CELF4: variants seen among roughly 807,000 people sequenced by gnomAD.
The protein encoded by CELF4 is CUG-BP- and ETR-3-like factor 4.
A neutral mutation model predicts 59.9 loss-of-function variants in CELF4; 18 were observed. That is an observed-to-expected ratio of 0.30 (90% CI 0.21 to 0.45). The LOEUF (loss-of-function observed/expected upper bound fraction) is 0.45. Ranked by LOEUF, CELF4 falls within the 20% of genes least tolerant of loss-of-function variation. CELF4 has a pLI of 1.00. For synonymous variants in CELF4, 261 were observed against 267.1 expected (o/e 0.98, Z 0.22); for missense variants, 456 against 689.0 (o/e 0.66, Z 3.79).
chr18:37,364,745 C>G (rs1226249132), intron 2 of CELF4, among the ~76,000 whole-genome samples: 1 of 152,210 alleles, frequency 6.6e-6, no homozygotes, highest in East Asian at 1.9e-4. Flanking sequence ...CTCAAATGCT[C>G]TCATCATAAG....
At chr18:37,533,736 A>G (rs2099971281) in intron 1 of CELF4, among the ~76,000 whole-genome samples, 1 of 152,242 alleles carries the variant, frequency 6.6e-6, no homozygotes, top group Admixed American at 6.5e-5. Context: ...CCACCTGTAT[A>G]TCATCAGAGC....
At position 37,244,424 on chromosome 18, in the gene CELF4, C is replaced by T. The variant is rs1316575605; in HGVS notation, c.*818G>A. The T allele has an allele frequency of 6.6e-6, 1 of 152,502 alleles. No homozygotes were observed. The highest frequency in any genetic ancestry group is 1.5e-5 in the Non-Finnish European group (1 of 68,028). 9.4% of individuals were successfully genotyped at this position (152,502 alleles called of 1,614,324 possible). A position where few individuals can be genotyped will look rare whatever the true frequency, so the allele number is the denominator to read the frequency against. On this transcript the variant is annotated 3_prime_UTR_variant, in exon 13 of 13. Transcript: ENST00000420428. ...CACCAATTTGTTCATCTTTTAACAG[C>T]TCCATCCAGACATAGAATACAGAAA...
intron 1 of CELF4, among the ~76,000 whole-genome samples, chr18:37,542,676 G>A (rs1163961092): frequency 2.0e-5 from 3 of 152,074 alleles, no homozygotes; most frequent in South Asian, 2.1e-4. Flanking sequence ...CTGGGGATAC[G>A]GTAAATGATA....
Position 37,515,018 on chromosome 18 carries a change from A to T in CELF4, c.287-29411T>A, listed in dbSNP as rs146260407. 2.4e-4 allele frequency among the ~76,000 whole-genome samples: 36 copies of T among 152,330 alleles called. 1 individual carries two copies. The East Asian group carries it at 6.6e-3, about 28-fold the overall frequency. On this transcript the variant is annotated intron_variant, in intron 1 of 12. Coordinates refer to ENST00000420428, the MANE Select transcript of CELF4 (RefSeq NM_020180.4). ...TCCATTGCGGGAACATAATTTAGATACTTTTAACAAATCCTCATCCTTTGG... is the reference window on the plus strand; with the variant it reads ...TCCATTGCGGGAACATAATTTAGATTCTTTTAACAAATCCTCATCCTTTGG...
chr18:37,266,519 G>C lies in CELF4; in HGVS notation c.1165+14C>G, dbSNP rs189935724. 3.8e-6 allele frequency: 6 copies of C among 1,585,144 alleles called. No homozygotes were observed. The highest frequency in any genetic ancestry group is 1.2e-5 in the South Asian group (1 of 86,526). On this transcript the variant is annotated intron_variant, in intron 9 of 12. Coordinates refer to ENST00000420428, the MANE Select transcript of CELF4 (RefSeq NM_020180.4). Reference sequence around the variant, plus strand: ...GAGTTGGGGAAGGAGCCGTGGGGACGCGTGGATACTAACGACCTGCATACT... The same window carrying C: ...GAGTTGGGGAAGGAGCCGTGGGGACCCGTGGATACTAACGACCTGCATACT...
intron 2 of CELF4, among the ~76,000 whole-genome samples, chr18:37,471,795 G>C (rs1456459108): frequency 6.6e-6 from 1 of 152,222 alleles, no homozygotes; most frequent in Non-Finnish European, 1.5e-5. Flanking sequence ...CTATGCTCCT[G>C]GTGGGTGCTC....
In CELF4 at chr18:37,504,453, CAAA is replaced by C. The variant is rs765700471; in HGVS notation, c.287-18849_287-18847del. ...TGGGTGACAGAGTGAGACTCCATCT[CAAA>C]AAAAAAAAAAAAAAAAAGGATGGGG... On this transcript the variant is annotated intron_variant, in intron 1 of 12. Coordinates refer to ENST00000420428, the MANE Select transcript of CELF4 (RefSeq NM_020180.4). Among the ~76,000 whole-genome samples, 74 of 71,142 alleles carry C rather than the reference CAAA, an allele frequency of 1.0e-3. 2 individuals carry two copies. Among genetic ancestry groups the C allele is most frequent in the East Asian group, 6.7e-3 (21 of 3,120 alleles). The allele number at this position is 71,142 out of a possible 152,430, so 46.7% of individuals were successfully genotyped here.
At chr18:37,280,466 A>G (rs998946972) in intron 3 of CELF4, among the ~76,000 whole-genome samples, 1 of 152,152 alleles carries the variant, frequency 6.6e-6, no homozygotes, top group South Asian at 2.1e-4. Context: ...TCTTTGGTCT[A>G]TGGGCCCAGA....
chr18:37,295,848 G>C (rs1040842191), intron 3 of CELF4, among the ~76,000 whole-genome samples: 1 of 152,182 alleles, frequency 6.6e-6, no homozygotes, highest in Non-Finnish European at 1.5e-5. Flanking sequence ...ACTGCACTGG[G>C]GGTCAGGGCC....
At chr18:37,318,371 C>T (rs1452243209) in intron 3 of CELF4, among the ~76,000 whole-genome samples, 1 of 152,010 alleles carries the variant, frequency 6.6e-6, no homozygotes, top group Non-Finnish European at 1.5e-5. Flanking sequence ...CGTCATGCCA[C>T]CTCCTCCACC....
At chr18:37,485,654 G>T (rs1180559385) in intron 1 of CELF4, 47 bp from the exon 2 acceptor site, 2 of 1,280,062 alleles carry the variant, frequency 1.6e-6, no homozygotes, top group Non-Finnish European at 1.0e-6. Context: ...GGCGCCCCCG[G>T]GCCCGCCGAC....
chr18:37,374,741 G>T (rs1041022289), intron 2 of CELF4, among the ~76,000 whole-genome samples: 3 of 152,206 alleles, frequency 2.0e-5, no homozygotes, highest in Non-Finnish European at 1.5e-5. Flanking sequence ...GGGAGGCACA[G>T]AGTGGATAAG....
chr18:37,556,515 G>A (rs767959811), intron 1 of CELF4, among the ~76,000 whole-genome samples: 1 of 152,154 alleles, frequency 6.6e-6, no homozygotes, highest in African/African-American at 2.4e-5. Flanking sequence ...GTAGTAGAAG[G>A]CATGCTTTTT....
In CELF4 at chr18:37,245,537, A is replaced by G. The variant is rs1250165305; in HGVS notation, c.*45-340T>C. 6.6e-6 allele frequency among the ~76,000 whole-genome samples: 1 copy of G among 152,034 alleles called. No individual in the cohort carries two copies. The highest frequency in any genetic ancestry group is 1.5e-5 in the Non-Finnish European group (1 of 68,008). On this transcript the variant is annotated intron_variant, in intron 12 of 12. Transcript: ENST00000420428. The surrounding 1 kb of genome is among the most constrained non-coding windows in gnomAD (Gnocchi z 4.1). ...TTGGGACTGCGGGATATGAATTCAT[A>G]ATTAAACTTGTCTCTGAGGGATCTA...
At chr18:37,257,633 C>T (rs72900309) in intron 11 of CELF4, among the ~76,000 whole-genome samples, 34,588 of 151,994 alleles carry the variant, frequency 0.23, 4,325 homozygotes, top group African/African-American at 0.34. Flanking sequence ...CCTTAACATG[C>T]GCTTCCTGAT....
rs746025688 is a variant in CELF4, at chr18:37,273,026, G to A, written c.939C>T (p.Thr313=). 9 of 1,610,064 alleles carry A rather than the reference G, an allele frequency of 5.6e-6. No homozygotes were observed. The South Asian group carries it at 9.9e-5, about 18-fold the overall frequency. The change falls in exon 7 of 13, where the codon ACC becomes ACT. Residue 313 remains threonine (T), a synonymous_variant. Transcript: ENST00000420428. ...NMNGLAAAPM[T]PTSGGSTPPG... ...CACCTGCCAGCTCACCTGAGGTTGGGGTCATAGGTGCGGCCGCCAGGCCAT... is the reference window on the plus strand; with the variant it reads ...CACCTGCCAGCTCACCTGAGGTTGGAGTCATAGGTGCGGCCGCCAGGCCAT...
intron 2 of CELF4, among the ~76,000 whole-genome samples, chr18:37,460,717 C>T (rs1429936498): frequency 6.6e-6 from 1 of 152,224 alleles, no homozygotes; most frequent in Admixed American, 6.5e-5. Context: ...GCAATTATCA[C>T]AGGAACTATT....
rs78235883 is a variant in CELF4 at position 37,358,707 on chromosome 18, C to T, written c.370-36826G>A. Among the ~76,000 whole-genome samples, 378 of 152,340 alleles carry T rather than the reference C, an allele frequency of 2.5e-3. 4 individuals are homozygous for T. The highest frequency in any genetic ancestry group is 8.7e-3 in the African/African-American group (362 of 41,582). ...AGGCGCATGCATGAAAGCGCGTAGG[C>T]TGTAGTCCCTCCCTCAGGTTGCAGG... is the stretch of plus-strand genomic sequence containing the variant. On this transcript the variant is annotated intron_variant, in intron 2 of 12. Coordinates refer to ENST00000420428, the MANE Select transcript of CELF4 (RefSeq NM_020180.4).
At chr18:37,495,376 C>A (rs1395584049) in intron 1 of CELF4, among the ~76,000 whole-genome samples, 6 of 152,132 alleles carry the variant, frequency 3.9e-5, no homozygotes, top group Non-Finnish European at 8.8e-5. Flanking sequence ...AGCTTCTGAG[C>A]CTCTGCCTCA....
Sources: allele counts gnomAD v4.1 joint callset (sites outside exome capture counted in the v4.1 genomes callset), GRCh38; gene constraint gnomAD v4.1.1; non-coding constraint Gnocchi (gnomAD v3.1); transcripts MANE v1.5; gene names NCBI Gene and HGNC (gene_info 2026-07-23, HGNC 2026-07-21).